CLIP1: variants seen among roughly 807,000 people sequenced by gnomAD.
The protein encoded by CLIP1 is CAP-Gly domain-containing linker protein 1.
A neutral mutation model predicts 161.6 loss-of-function variants in CLIP1; 66 were observed. That is an observed-to-expected ratio of 0.41 (90% CI 0.33 to 0.50). The LOEUF (loss-of-function observed/expected upper bound fraction) is 0.50. Among genes scored for constraint, CLIP1 ranks in the 20% least tolerant of loss-of-function variants. The probability of loss-of-function intolerance (pLI) is 0.27; values close to 1 mark genes in which losing one functional copy is unlikely to be tolerated. For synonymous variants in CLIP1, 598 were observed against 626.2 expected (o/e 0.96, Z 0.67); for missense variants, 1,376 against 1,702.0 (o/e 0.81, Z 3.37).
At chr12:122,327,867 C>T (rs1593075583) in intron 17 of CLIP1, 80 bp downstream of exon 17, 4 of 1,356,838 alleles carry the variant, frequency 2.9e-6, no homozygotes, top group African/African-American at 1.4e-5. Flanking sequence ...CCACTGGCTG[C>T]TGCTTTCTAA....
chr12:122,303,932 G>A (rs1013227441), intron 20 of CLIP1, among the ~76,000 whole-genome samples: 13 of 152,248 alleles, frequency 8.5e-5, no homozygotes, highest in Middle Eastern at 6.8e-3. Context: ...AGAACTACAC[G>A]CCTAGCAGAG....
chr12:122,304,925 G>A (rs1950813842), intron 20 of CLIP1, among the ~76,000 whole-genome samples: 1 of 152,110 alleles, frequency 6.6e-6, no homozygotes, highest in African/African-American at 2.4e-5. Flanking sequence ...TTCATGTCTG[G>A]GAATTCAGGC....
intron 20 of CLIP1, among the ~76,000 whole-genome samples, chr12:122,289,498 GTGTCACTAAA>G (rs1488174303): frequency 6.6e-6 from 1 of 152,010 alleles, no homozygotes; most frequent in Non-Finnish European, 1.5e-5. Flanking sequence ...CAGAAGTCAA[GTGTCACTAAA>G]TTGCAGAGGA....
At chr12:122,314,806 GAACTA>G (rs926918618) in intron 19 of CLIP1, among the ~76,000 whole-genome samples, 13 of 152,270 alleles carry the variant, frequency 8.5e-5, no homozygotes, top group Admixed American at 5.9e-4. Flanking sequence ...TGAATGAATA[GAACTA>G]AACTGTCACA....
intron 1 of CLIP1, among the ~76,000 whole-genome samples, chr12:122,391,620 A>C (rs1955667321): frequency 6.6e-6 from 1 of 152,102 alleles, no homozygotes; most frequent in Non-Finnish European, 1.5e-5. Context: ...AGTAATAAGA[A>C]CTTCATGTCA....
At chr12:122,332,796 A>G (rs1271568155) in intron 15 of CLIP1, among the ~76,000 whole-genome samples, 191 bp downstream of exon 15, 8 of 152,214 alleles carry the variant, frequency 5.3e-5, no homozygotes, top group African/African-American at 1.9e-4. Context: ...GTTCTTGACA[A>G]GTAAGATAGG....
At chr12:122,309,506 TAAAG>T (rs1950990716) in intron 20 of CLIP1, among the ~76,000 whole-genome samples, 1 of 152,226 alleles carries the variant, frequency 6.6e-6, no homozygotes, top group South Asian at 2.1e-4. Flanking sequence ...GATTGTCTAA[TAAAG>T]ATAGTATTTT....
intron 21 of CLIP1, among the ~76,000 whole-genome samples, chr12:122,282,284 T>A (rs749770173): frequency 6.6e-6 from 1 of 152,138 alleles, no homozygotes; most frequent in Non-Finnish European, 1.5e-5. Flanking sequence ...CATTAAACCA[T>A]TGTCTATGCC....
intron 9 of CLIP1, among the ~76,000 whole-genome samples, chr12:122,349,235 C>G (rs1952901711): frequency 6.6e-6 from 1 of 152,188 alleles, no homozygotes; most frequent in Admixed American, 6.5e-5. Context: ...GCAATAGAAC[C>G]TTTCTTCTCT....
chr12:122,325,687 T>C (rs1951688559), intron 17 of CLIP1, among the ~76,000 whole-genome samples: 1 of 152,138 alleles, frequency 6.6e-6, no homozygotes, highest in Admixed American at 6.5e-5. Context: ...ACAGTCTCAC[T>C]CTGTCACCCA....
chr12:122,276,434 C>G, intron 24 of CLIP1: 2 of 1,267,220 alleles, frequency 1.6e-6, no homozygotes, highest in Non-Finnish European at 2.0e-6. Flanking sequence ...AAACATGAAA[C>G]GAACCATTTG....
intron 1 of CLIP1, among the ~76,000 whole-genome samples, chr12:122,421,996 C>A (rs1429558792): frequency 1.3e-5 from 2 of 152,202 alleles, no homozygotes. Flanking sequence ...AAAACAAAAG[C>A]CGGGGCAGCG....
At chr12:122,363,549 G>C (rs2341439) in intron 4 of CLIP1, among the ~76,000 whole-genome samples, 119,242 of 151,650 alleles carry the variant, frequency 0.79, 47,196 homozygotes, top group African/African-American at 0.86. Flanking sequence ...GGTCCGCTTG[G>C]CGGTCTGTTC....
chr12:122,353,292 T>C (rs1412474279), intron 7 of CLIP1, among the ~76,000 whole-genome samples: 1 of 152,228 alleles, frequency 6.6e-6, no homozygotes, highest in Non-Finnish European at 1.5e-5. Context: ...CAGTGAGTTA[T>C]GATCGTATGA....
intron 23 of CLIP1, 31 bp from the exon 24 acceptor site, chr12:122,278,234 AGTGG>A: frequency 7.0e-7 from 1 of 1,418,474 alleles, no homozygotes; most frequent in Non-Finnish European, 9.7e-7. Context: ...AAAAAAAACA[AGTGG>A]AGGGAGAATA....
intron 4 of CLIP1, among the ~76,000 whole-genome samples, chr12:122,362,864 T>TGACTCTAAAG (rs1321681131): frequency 2.0e-5 from 3 of 151,792 alleles, no homozygotes; most frequent in Admixed American, 1.3e-4. Flanking sequence ...GGCAATGCCA[T>TGACTCTAAAG]GACTCTAAAG....
chr12:122,413,472 T>G (rs1308083949), intron 1 of CLIP1, among the ~76,000 whole-genome samples: 1 of 152,158 alleles, frequency 6.6e-6, no homozygotes, highest in African/African-American at 2.4e-5. Flanking sequence ...CAATTTTAAG[T>G]GTTAAAAAGG....
At chr12:122,333,899 T>C in intron 14 of CLIP1, 128 bp downstream of exon 14, 1 of 611,572 alleles carries the variant, frequency 1.6e-6, no homozygotes, top group Non-Finnish European at 2.9e-6. Context: ...CATCACATTG[T>C]TATATCACCA....
At chr12:122,372,042 G>A (rs1295065261) in intron 3 of CLIP1, among the ~76,000 whole-genome samples, 4 of 152,120 alleles carry the variant, frequency 2.6e-5, no homozygotes, top group Non-Finnish European at 5.9e-5. Flanking sequence ...AGAACTTTGG[G>A]AGGCCAAGGT....
Sources: gnomAD v4.1 joint callset for allele counts (sites outside exome capture counted in the v4.1 genomes callset) on GRCh38, gnomAD v4.1.1 for gene constraint, MANE v1.5 for transcripts, NCBI Gene and HGNC (gene_info 2026-07-23, HGNC 2026-07-21) for gene names.